Variants in MYO16 observed in about 807,000 individuals in gnomAD.
The protein encoded by MYO16 is myosin XVI.
MYO16 carries 94 observed loss-of-function variants against 205.3 expected under a neutral mutation model. The observed-to-expected ratio is 0.46, with a 90% CI of 0.39 to 0.54. The LOEUF is 0.54. Among genes scored for constraint, MYO16 ranks in the 20% least tolerant of loss-of-function variants. The pLI, the probability that MYO16 is intolerant of heterozygous loss-of-function variation, is 0.00. For synonymous variants in MYO16, 988 were observed against 954.0 expected (o/e 1.04, Z -0.66); for missense variants, 2,315 against 2,387.5 (o/e 0.97, Z 0.63).
At chr13:109,060,087 A>G (rs985910904) in intron 27 of MYO16, among the ~76,000 whole-genome samples, 1 of 152,198 alleles carries the variant, frequency 6.6e-6, no homozygotes. Context: ...GCAATTCCTC[A>G]AGGATCTAGA....
At chr13:108,892,216 A>T (rs1407519369) in intron 14 of MYO16, among the ~76,000 whole-genome samples, 1 of 152,138 alleles carries the variant, frequency 6.6e-6, no homozygotes, top group Non-Finnish European at 1.5e-5. Flanking sequence ...CTCATACCAT[A>T]TTGAGCACCT....
At chr13:109,155,502 G>A (rs772590557) in intron 32 of MYO16, among the ~76,000 whole-genome samples, 123 of 152,202 alleles carry the variant, frequency 8.1e-4, no homozygotes, top group Non-Finnish European at 1.4e-3. Flanking sequence ...ACCTTTCCAA[G>A]GTCTGCAGTG....
At chr13:108,495,938 C>A in the MYO16 span, among the ~76,000 whole-genome samples, 8 of 151,974 alleles carry the variant, frequency 5.3e-5, no homozygotes, top group Admixed American at 5.2e-4. Flanking sequence ...GGGGCGTCGG[C>A]GGGGCGCTGC....
At chr13:108,573,550 A>T in the MYO16 span, among the ~76,000 whole-genome samples, 1 of 152,198 alleles carries the variant, frequency 6.6e-6, no homozygotes, top group Non-Finnish European at 1.5e-5. Flanking sequence ...TGGGAATCAG[A>T]GAGACCAGGG....
At chr13:108,614,543 A>G (rs560526653) in intron 1 of MYO16, among the ~76,000 whole-genome samples, 1 of 152,240 alleles carries the variant, frequency 6.6e-6, no homozygotes, top group Non-Finnish European at 1.5e-5. Context: ...AAACAAAATT[A>G]TAAGACTGAC....
intron 34 of MYO16, among the ~76,000 whole-genome samples, chr13:109,203,927 G>T (rs1186774408): frequency 6.6e-6 from 1 of 152,088 alleles, no homozygotes; most frequent in African/African-American, 2.4e-5. Flanking sequence ...TTTCCAATTT[G>T]TTTCTTTAGT....
chr13:108,662,476 G>A (rs1205113904), intron 1 of MYO16, among the ~76,000 whole-genome samples: 3 of 152,142 alleles, frequency 2.0e-5, no homozygotes, highest in African/African-American at 7.2e-5. Flanking sequence ...TTGGGGGATG[G>A]TGGTGAGATT....
chr13:108,785,507 T>A, intron 4 of MYO16, 128 bp from the exon 5 acceptor site: 1 of 484,622 alleles, frequency 2.1e-6, no homozygotes, highest in East Asian at 3.2e-5. Context: ...TCCTACCCGA[T>A]TCTTCAGGGT....
chr13:108,693,078 C>G (rs1273819842), intron 2 of MYO16, among the ~76,000 whole-genome samples: 1 of 152,074 alleles, frequency 6.6e-6, no homozygotes. Context: ...AAAACCTGAA[C>G]AGGATTTATG....
chr13:109,150,939 G>T (rs1877625545), intron 32 of MYO16, among the ~76,000 whole-genome samples: 2 of 152,078 alleles, frequency 1.3e-5, no homozygotes, highest in African/African-American at 4.8e-5. Context: ...TCTCATTATT[G>T]CCACATAATA....
chr13:108,582,909 AC>A, the MYO16 span, among the ~76,000 whole-genome samples: 1 of 152,266 alleles, frequency 6.6e-6, no homozygotes, highest in South Asian at 2.1e-4. Flanking sequence ...AAGGTCATTC[AC>A]CCCAAATTGG....
intron 20 of MYO16, among the ~76,000 whole-genome samples, chr13:108,977,515 C>A (rs192418903): frequency 6.6e-6 from 1 of 152,248 alleles, no homozygotes; most frequent in East Asian, 1.9e-4. Context: ...GGGCTTTATG[C>A]AATCATATAC....
At chr13:109,194,433 T>C (rs540514280) in intron 34 of MYO16, among the ~76,000 whole-genome samples, 1 of 152,154 alleles carries the variant, frequency 6.6e-6, no homozygotes, top group Non-Finnish European at 1.5e-5. Context: ...GATAATGATA[T>C]TGAACCTGCA....
At chr13:108,580,729 G>A in the MYO16 span, among the ~76,000 whole-genome samples, 4 of 152,158 alleles carry the variant, frequency 2.6e-5, no homozygotes, top group Admixed American at 2.6e-4. Context: ...CATTTGCCTG[G>A]AGATGATCCC....
At chr13:109,052,266 T>C (rs781472811) in intron 24 of MYO16, 34 bp from the exon 25 acceptor site, 1 of 1,563,876 alleles carries the variant, frequency 6.4e-7, no homozygotes, top group Non-Finnish European at 8.8e-7. Context: ...ATAATTTTAG[T>C]GCCACTTACG....
At chr13:109,099,631 A>G (rs574360377) in intron 27 of MYO16, among the ~76,000 whole-genome samples, 1 of 152,272 alleles carries the variant, frequency 6.6e-6, no homozygotes, top group South Asian at 2.1e-4. Flanking sequence ...TATCCATGGC[A>G]GGTGTGTTTC....
intron 2 of MYO16, among the ~76,000 whole-genome samples, chr13:108,669,488 T>C (rs1881889774): frequency 6.6e-6 from 1 of 151,896 alleles, no homozygotes; most frequent in Non-Finnish European, 1.5e-5. Flanking sequence ...GGAACAGACG[T>C]TAAGAGCTTT....
chr13:109,109,464 T>G (rs1198182174), intron 28 of MYO16, among the ~76,000 whole-genome samples: 1 of 152,058 alleles, frequency 6.6e-6, no homozygotes, highest in Admixed American at 6.5e-5. Flanking sequence ...ATGCTTTAAA[T>G]GTAAAAAAGT....
chr13:108,793,938 G>A (rs779646201), intron 6 of MYO16, among the ~76,000 whole-genome samples: 11 of 152,108 alleles, frequency 7.2e-5, no homozygotes, highest in South Asian at 2.1e-4. Context: ...CTAGATGTCC[G>A]TCAAGGTGGA....
Sources: gnomAD v4.1 joint callset for allele counts (sites outside exome capture counted in the v4.1 genomes callset) on GRCh38, gnomAD v4.1.1 for gene constraint, MANE v1.5 for transcripts, NCBI Gene and HGNC (gene_info 2026-07-23, HGNC 2026-07-21) for gene names.